Variants in RPA1 observed in about 807,000 individuals in gnomAD.
RPA1 encodes the protein replication protein A1.
A neutral mutation model predicts 83.0 loss-of-function variants in RPA1; 49 were observed. The ratio of observed to expected loss-of-function variants is 0.59; its 90% CI spans 0.47 to 0.75. RPA1 has a LOEUF of 0.75. RPA1 is among the 30% of genes least tolerant of loss of function. RPA1 has a pLI of 0.00. For missense variants in RPA1, 693 were observed against 776.1 expected, an observed-to-expected ratio of 0.89 and a Z score of 1.27; for synonymous variants, 279 against 281.8, an observed-to-expected ratio of 0.99 and a Z score of 0.10.
chr17:1,852,274 C>T lies in RPA1; in HGVS notation c.273-827C>T, dbSNP rs182701529. On this transcript the variant is annotated intron_variant, in intron 4 of 16. Transcript: ENST00000254719. The stretch of plus-strand genomic sequence containing the variant: ...GAATAATAAAATAATCACTAATGAA[C>T]ATATAATTAAGACGGAGCAGAGTGT... Among the ~76,000 whole-genome samples, 19 of 152,242 alleles carry T rather than the reference C, an allele frequency of 1.2e-4. No homozygotes were observed. In the East Asian group the frequency reaches 3.7e-3, roughly 29 times the overall value.
intron 4 of RPA1, among the ~76,000 whole-genome samples, chr17:1,851,809 T>A (rs1912505837): frequency 6.8e-6 from 1 of 147,958 alleles, no homozygotes; most frequent in Non-Finnish European, 1.5e-5. Flanking sequence ...ACAGATAATT[T>A]CAGGCTTATC....
chr17:1,890,250 G>C (rs1914153916), intron 14 of RPA1, among the ~76,000 whole-genome samples: 1 of 152,088 alleles, frequency 6.6e-6, no homozygotes, highest in African/African-American at 2.4e-5. Context: ...ACTTGTCCCA[G>C]CTACTCATGA....
chr17:1,880,458 T>C (rs1913745973), intron 11 of RPA1, 85 bp from the exon 12 acceptor site: 4 of 1,393,932 alleles, frequency 2.9e-6, no homozygotes, highest in Admixed American at 1.7e-5. Context: ...CACTCTACTA[T>C]TGAATGTTTG....
chr17:1,839,754 C>A (rs1911970406), intron 1 of RPA1, among the ~76,000 whole-genome samples: 1 of 150,952 alleles, frequency 6.6e-6, no homozygotes, highest in African/African-American at 2.4e-5. Flanking sequence ...TCCCTCCTCA[C>A]CCTCTGAGTA....
intron 1 of RPA1, among the ~76,000 whole-genome samples, chr17:1,832,342 A>C (rs1329517434): frequency 2.0e-5 from 3 of 151,936 alleles, no homozygotes; most frequent in African/African-American, 7.3e-5. Context: ...TACTAGGCTA[A>C]ATCCCTTTGA....
chr17:1,850,402 G>A (rs952432562), intron 4 of RPA1, among the ~76,000 whole-genome samples: 20 of 149,886 alleles, frequency 1.3e-4, no homozygotes, highest in African/African-American at 4.4e-4. Context: ...CAGGCATGGA[G>A]GCACACACCT....
intron 5 of RPA1, among the ~76,000 whole-genome samples, chr17:1,859,118 G>A (rs1026268901): frequency 6.6e-6 from 1 of 152,018 alleles, no homozygotes; most frequent in Non-Finnish European, 1.5e-5. Context: ...AGCCAGGCTG[G>A]TGTCAAACTC....
intron 5 of RPA1, among the ~76,000 whole-genome samples, chr17:1,865,272 C>A (rs1314849039): frequency 6.6e-6 from 1 of 152,142 alleles, no homozygotes; most frequent in Non-Finnish European, 1.5e-5. Flanking sequence ...AGAACAGTTT[C>A]CATTGTGCCC....
intron 1 of RPA1, among the ~76,000 whole-genome samples, chr17:1,836,725 A>G (rs1279115689): frequency 6.6e-6 from 1 of 150,940 alleles, no homozygotes; most frequent in Non-Finnish European, 1.5e-5. Flanking sequence ...GCAGCGACAC[A>G]GTCATGGCTC....
intron 13 of RPA1, 115 bp from the exon 14 acceptor site, chr17:1,888,560 T>C (rs1024908348): frequency 1.6e-5 from 15 of 946,418 alleles, no homozygotes; most frequent in Admixed American, 2.7e-5. Context: ...TGTGTAATCT[T>C]GAGGATGTAG....
chr17:1,836,507 T>C (rs1257970272), intron 1 of RPA1, among the ~76,000 whole-genome samples: 2 of 152,144 alleles, frequency 1.3e-5, no homozygotes, highest in African/African-American at 2.4e-5. Context: ...AATACTTCCA[T>C]CAACGCACAA....
At chr17:1,855,516 C>T (rs537843693) in intron 5 of RPA1, among the ~76,000 whole-genome samples, 1 of 152,256 alleles carries the variant, frequency 6.6e-6, no homozygotes, top group Non-Finnish European at 1.5e-5. Flanking sequence ...AATCTGGGAT[C>T]TCTGGGATAA....
intron 12 of RPA1, among the ~76,000 whole-genome samples, chr17:1,882,499 A>G (rs1199894274): frequency 2.0e-5 from 3 of 151,936 alleles, no homozygotes; most frequent in Non-Finnish European, 4.4e-5. Context: ...TACAAAAAAT[A>G]CAAAAATCAG....
chr17:1,882,385 G>A (rs980630485), intron 12 of RPA1, among the ~76,000 whole-genome samples: 10 of 152,050 alleles, frequency 6.6e-5, no homozygotes, highest in South Asian at 2.1e-4. Flanking sequence ...GGCCAGGCAC[G>A]GTGGCTCATA....
chr17:1,859,544 A>G (rs1912858732), intron 5 of RPA1, among the ~76,000 whole-genome samples: 1 of 152,172 alleles, frequency 6.6e-6, no homozygotes, highest in Non-Finnish European at 1.5e-5. Context: ...TCTTATTATT[A>G]TGAAATGATT....
chr17:1,889,084 C>CCTG (rs200962881), intron 14 of RPA1, among the ~76,000 whole-genome samples: 2 of 110,090 alleles, frequency 1.8e-5, no homozygotes, highest in African/African-American at 8.7e-5. Flanking sequence ...GTGACACTTG[C>CCTG]CTGCTAACTG....
intron 11 of RPA1, among the ~76,000 whole-genome samples, chr17:1,880,022 G>A (rs560655665): frequency 2.7e-5 from 4 of 146,520 alleles, no homozygotes; most frequent in South Asian, 4.4e-4. Context: ...CGGAGGGGGC[G>A]TCTGTTCCTA....
At chr17:1,843,414 C>T (rs1912130188) in intron 2 of RPA1, among the ~76,000 whole-genome samples, 2 of 151,578 alleles carry the variant, frequency 1.3e-5, no homozygotes, top group African/African-American at 2.4e-5. Flanking sequence ...GGAAACCTGC[C>T]TCTGCTCTCT....
At chr17:1,858,681 T>C (rs879063273) in intron 5 of RPA1, among the ~76,000 whole-genome samples, 1 of 151,650 alleles carries the variant, frequency 6.6e-6, no homozygotes, top group Non-Finnish European at 1.5e-5. Context: ...GCCAGGCTGG[T>C]CTTGAACTCC....
Sources: allele counts gnomAD v4.1 joint callset (sites outside exome capture counted in the v4.1 genomes callset), GRCh38; gene constraint gnomAD v4.1.1; transcripts MANE v1.5; gene names NCBI Gene and HGNC (gene_info 2026-07-23, HGNC 2026-07-21).